Variants in TSPAN33 observed in about 807,000 individuals in gnomAD.
TSPAN33 encodes tetraspanin 33.
A neutral mutation model predicts 34.8 loss-of-function variants in TSPAN33; 27 were observed. The ratio of observed to expected loss-of-function variants is 0.78; its 90% CI spans 0.57 to 1.07. The LOEUF (loss-of-function observed/expected upper bound fraction) is 1.07. Ranked by LOEUF, TSPAN33 falls within the 50% of genes least tolerant of loss-of-function variation. The probability of loss-of-function intolerance (pLI) is 0.00; values close to 1 mark genes in which losing one functional copy is unlikely to be tolerated. For synonymous variants in TSPAN33, 119 were observed against 124.2 expected (o/e 0.96, Z 0.28); for missense variants, 272 against 324.9 (o/e 0.84, Z 1.25).
chr7:129,148,597 G>A lies in TSPAN33; in HGVS notation c.102+3515G>A, dbSNP rs1264200863. ...CAACCTGGGGTCCTTGAGCACTCTT[G>A]GTGATGAGGTACCCAACTGTGTTCT... On this transcript the variant is annotated intron_variant, in intron 1 of 7. Transcript: ENST00000486685. The surrounding 1 kb of genome is among the most constrained non-coding windows in gnomAD (Gnocchi z 4.2). Among the ~76,000 whole-genome samples, 1 of 152,150 alleles carries A rather than the reference G, an allele frequency of 6.6e-6. No individual in the cohort carries two copies. Among genetic ancestry groups the A allele is most frequent in the Non-Finnish European group, 1.5e-5 (1 of 68,042 alleles).
chr7:129,151,550 CT>C (rs1810593633), intron 1 of TSPAN33, among the ~76,000 whole-genome samples: 1 of 152,084 alleles, frequency 6.6e-6, no homozygotes, highest in Non-Finnish European at 1.5e-5. Context: ...GCCCTGCAAC[CT>C]TTCCTCTCCT....
chr7:129,161,791 C>G, intron 2 of TSPAN33, 55 bp downstream of exon 2: 1 of 1,607,524 alleles, frequency 6.2e-7, no homozygotes, highest in Non-Finnish European at 8.5e-7. Flanking sequence ...CCTTTCCCCT[C>G]TGCCTCCTTC....
chr7:129,166,221 T>C (rs889652971), intron 5 of TSPAN33, among the ~76,000 whole-genome samples: 2 of 152,134 alleles, frequency 1.3e-5, no homozygotes, highest in African/African-American at 4.8e-5. Context: ...ATTACCGGTG[T>C]GAGCCACAGC....
chr7:129,150,648 A>G, intron 1 of TSPAN33, among the ~76,000 whole-genome samples: 1 of 152,186 alleles, frequency 6.6e-6, no homozygotes, highest in Non-Finnish European at 1.5e-5. Flanking sequence ...TGGAGATCCT[A>G]ATGCCCTCTT....
rs1302278256 is a variant in TSPAN33, at chr7:129,148,947, C to T, written c.102+3865C>T. 6.6e-6 allele frequency among the ~76,000 whole-genome samples: 1 copy of T among 152,100 alleles called. No homozygotes were observed. The highest frequency in any genetic ancestry group is 1.5e-5 in the Non-Finnish European group (1 of 68,010). The stretch of plus-strand genomic sequence containing the variant: ...CATGAGGAAGTAACCAGGCATCAAG[C>T]CAGGCAAAAACCTCTTCTAAGTGGC... On this transcript the variant is annotated intron_variant, in intron 1 of 7. Transcript: ENST00000486685. The surrounding 1 kb of genome is among the most constrained non-coding windows in gnomAD (Gnocchi z 4.2).
chr7:129,163,487 C>T (rs563524398), intron 4 of TSPAN33, among the ~76,000 whole-genome samples: 1 of 152,102 alleles, frequency 6.6e-6, no homozygotes, highest in South Asian at 2.1e-4. Context: ...CCATGATTGG[C>T]TTAATAAAAG....
intron 1 of TSPAN33, among the ~76,000 whole-genome samples, chr7:129,146,310 A>G (rs1810519580): frequency 6.6e-6 from 1 of 152,196 alleles, no homozygotes; most frequent in Non-Finnish European, 1.5e-5. Context: ...TGGTGATGAC[A>G]GCGCACTCAG....
chr7:129,169,205 G>A lies in TSPAN33; in HGVS notation c.*1331G>A, dbSNP rs1330352684. Among the ~76,000 whole-genome samples the A allele has an allele frequency of 1.3e-5, 2 of 152,330 alleles. No individual in the cohort carries two copies. Among genetic ancestry groups the A allele is most frequent in the Non-Finnish European group, 2.9e-5 (2 of 68,034 alleles). ...AGAAGGCCCTCTCTTCCCCTACCCGGGCCCTCCAGGACCTTCTCCCTGAGT... is the reference window on the plus strand; with the variant it reads ...AGAAGGCCCTCTCTTCCCCTACCCGAGCCCTCCAGGACCTTCTCCCTGAGT... On this transcript the variant is annotated 3_prime_UTR_variant, in exon 8 of 8. Coordinates refer to ENST00000486685, the MANE Select transcript of TSPAN33 (RefSeq NM_178562.5).
chr7:129,153,903 C>T (rs1192591604), intron 1 of TSPAN33, among the ~76,000 whole-genome samples: 1 of 151,648 alleles, frequency 6.6e-6, no homozygotes, highest in Non-Finnish European at 1.5e-5. Context: ...GATTGTGCCA[C>T]TGTACTCCAT....
intron 1 of TSPAN33, among the ~76,000 whole-genome samples, chr7:129,157,244 A>G (rs998915703): frequency 1.6e-4 from 24 of 152,286 alleles, no homozygotes; most frequent in African/African-American, 5.3e-4. Context: ...GGCCTCATCT[A>G]TAAAAAGAGG....
Position 129,164,457 on chromosome 7 carries a change from G to T in TSPAN33, c.364-17G>T. 6.2e-7 allele frequency: 1 copy of T among 1,612,022 alleles called. No individual in the cohort carries two copies. The highest frequency in any genetic ancestry group is 1.1e-5 in the South Asian group (1 of 91,026). ...GATTAGTCCTGTGTTCTGATTCCTT[G>T]CCCATGTCTCCGGCAGGCTCGAGGG... On this transcript the variant is annotated splice_polypyrimidine_tract_variant and intron_variant, in intron 4 of 7. Coordinates refer to ENST00000486685, the MANE Select transcript of TSPAN33 (RefSeq NM_178562.5).
rs117824919 is a variant in TSPAN33, at chr7:129,168,051, A to G, written c.*177A>G. 0.02 allele frequency: 26,412 copies of G among 1,321,350 alleles called. 329 individuals carry two copies. The highest frequency in any genetic ancestry group is 0.044 in the East Asian group (1,729 of 39,100). 81.9% of individuals were successfully genotyped at this position (1,321,350 alleles called of 1,614,324 possible). On this transcript the variant is annotated 3_prime_UTR_variant, in exon 8 of 8. Transcript: ENST00000486685. Reference sequence around the variant, plus strand: ...AGGGTGCACAGGTGGCTCCAGTCTCAGGAGGATGCGCCTCCTCTCCCCCAT... The same window carrying G: ...AGGGTGCACAGGTGGCTCCAGTCTCGGGAGGATGCGCCTCCTCTCCCCCAT...
intron 5 of TSPAN33, among the ~76,000 whole-genome samples, chr7:129,166,168 G>T (rs1584641970): frequency 1.3e-5 from 2 of 152,186 alleles, no homozygotes; most frequent in Admixed American, 1.3e-4. Flanking sequence ...TTGAACTCCT[G>T]ACCTCAGGTG....
Position 129,161,762 on chromosome 7 carries a change from C to A in TSPAN33, c.160+26C>A, listed in dbSNP as rs376287947. 7 of 1,613,748 alleles carry A rather than the reference C, an allele frequency of 4.3e-6. No homozygotes were observed. In the African/African-American group the frequency reaches 5.3e-5, roughly 12 times the overall value. On this transcript the variant is annotated intron_variant, in intron 2 of 7. Coordinates refer to ENST00000486685, the MANE Select transcript of TSPAN33 (RefSeq NM_178562.5). ...GTGAGCTGTAGCTCTCCCTCCCTGC[C>A]CCCACCTTGTGCCATGCCCCTTTCC... is the stretch of plus-strand genomic sequence containing the variant.
intron 1 of TSPAN33, among the ~76,000 whole-genome samples, chr7:129,150,741 G>C (rs1363448096): frequency 6.6e-6 from 1 of 152,104 alleles, no homozygotes; most frequent in Non-Finnish European, 1.5e-5. Flanking sequence ...TGCCACTGCT[G>C]TCCCTGTAAA....
chr7:129,166,852 C>T lies in TSPAN33; in HGVS notation c.534C>T (p.Pro178=), dbSNP rs1025555736. 1.2e-6 allele frequency: 2 copies of T among 1,614,034 alleles called. No individual in the cohort carries two copies. The highest frequency in any genetic ancestry group is 1.7e-6 in the Non-Finnish European group (2 of 1,180,028). Residue 178 remains proline (P), a synonymous_variant, in exon 6 of 8, where the codon CCC becomes CCT. Transcript: ENST00000486685. ...NMYFNCSEDN[P]SRERCSVPYS... is the part of the protein sequence containing the mutation. ...ATTTCAACTGCTCAGAAGACAACCC[C>T]AGTCGAGAGCGCTGCTCTGTGCCTT...
At chr7:129,154,673 G>A (rs1467983354) in intron 1 of TSPAN33, among the ~76,000 whole-genome samples, 1 of 152,078 alleles carries the variant, frequency 6.6e-6, no homozygotes, top group African/African-American at 2.4e-5. Flanking sequence ...CCTGGAAGGT[G>A]GAGGTTGCAG....
At chr7:129,162,781 G>A (rs1394349089) in intron 3 of TSPAN33, 52 bp from the exon 4 acceptor site, 13 of 1,593,848 alleles carry the variant, frequency 8.2e-6, no homozygotes, top group Non-Finnish European at 1.1e-5. Flanking sequence ...GCCCTGGAAG[G>A]GGTTGCTGCC....
Position 129,168,015 on chromosome 7 carries a change from G to A in TSPAN33, c.*141G>A. 1 of 1,465,558 alleles carries A rather than the reference G, an allele frequency of 6.8e-7. No individual in the cohort carries two copies. Among genetic ancestry groups the A allele is most frequent in the Non-Finnish European group, 9.0e-7 (1 of 1,111,824 alleles). 90.8% of individuals were successfully genotyped at this position (1,465,558 alleles called of 1,614,324 possible). A position where few individuals can be genotyped will look rare whatever the true frequency, so the allele number is the denominator to read the frequency against. ...CAGTGGGAAGAAGCAAACTCCAGAT[G>A]GGCAGAAGGCAGGGTGCACAGGTGG... On this transcript the variant is annotated 3_prime_UTR_variant, in exon 8 of 8. Transcript: ENST00000486685.
Sources: gnomAD v4.1 joint callset for allele counts (sites outside exome capture counted in the v4.1 genomes callset) on GRCh38, gnomAD v4.1.1 for gene constraint, Gnocchi (gnomAD v3.1) non-coding constraint, MANE v1.5 for transcripts, NCBI Gene and HGNC (gene_info 2026-07-23, HGNC 2026-07-21) for gene names.